The following PAX5 variants were observed in gnomAD, a reference collection of about 807,000 sequenced individuals.
PAX5 encodes paired box protein Pax-5.
Under a neutral mutation model 43.7 loss-of-function variants are expected in PAX5, and 9 were observed. The observed-to-expected ratio is 0.21, with a 90% CI of 0.12 to 0.36. The LOEUF (loss-of-function observed/expected upper bound fraction) is 0.36, where lower values mean the gene tolerates loss of function less well. Ranked by LOEUF, PAX5 falls within the 10% of genes least tolerant of loss-of-function variation. The probability of loss-of-function intolerance (pLI) is 1.00; values close to 1 mark genes in which losing one functional copy is unlikely to be tolerated. For missense variants in PAX5, 383 were observed against 532.7 expected, an observed-to-expected ratio of 0.72 and a Z score of 2.77; for synonymous variants, 228 against 214.3, an observed-to-expected ratio of 1.06 and a Z score of -0.56.
At position 36,836,014 on chromosome 9, in the gene PAX5, G is replaced by A. The variant is rs1045671146; in HGVS notation, c.*4546C>T. 1.7e-5 allele frequency: 4 copies of A among 233,586 alleles called. No individual in the cohort carries two copies. Among genetic ancestry groups the A allele is most frequent in the African/African-American group, 8.8e-5 (4 of 45,358 alleles). 14.5% of individuals were successfully genotyped at this position (233,586 alleles called of 1,614,324 possible). On this transcript the variant is annotated 3_prime_UTR_variant, in exon 10 of 10. Transcript: ENST00000358127. ...TTTTAAGATTTGCTTCCCTGGCTTG[G>A]AGCTCAATTCTGGCTGAATGTCATG...
rs1214485286 is a variant in PAX5, at chr9:36,839,493, T to C, written c.*1067A>G. ...GATCTGGGTGTGGGGGAAAGTCCTC[T>C]GTGTTAATTATTGTCTACATCACCG... is the stretch of plus-strand genomic sequence containing the variant. On this transcript the variant is annotated 3_prime_UTR_variant, in exon 10 of 10. Coordinates refer to ENST00000358127, the MANE Select transcript of PAX5 (RefSeq NM_016734.3). 8.6e-6 allele frequency: 2 copies of C among 233,330 alleles called. No homozygotes were observed. The highest frequency in any genetic ancestry group is 4.4e-5 in the African/African-American group (2 of 45,356). The allele number at this position is 233,330 out of a possible 1,614,324, so 14.5% of individuals were successfully genotyped here.
At chr9:37,030,949 T>C (rs1327679118) in intron 1 of PAX5, among the ~76,000 whole-genome samples, 1 of 152,266 alleles carries the variant, frequency 6.6e-6, no homozygotes, top group Non-Finnish European at 1.5e-5. Context: ...AGCATGGCTG[T>C]CTCAACCCAC....
intron 7 of PAX5, among the ~76,000 whole-genome samples, chr9:36,914,318 A>C (rs2131920980): frequency 6.6e-6 from 1 of 152,306 alleles, no homozygotes; most frequent in East Asian, 1.9e-4. Flanking sequence ...AAATGGAGCA[A>C]AGCTTGTACT....
intron 8 of PAX5, among the ~76,000 whole-genome samples, chr9:36,849,808 C>A (rs1822974911): frequency 6.6e-6 from 1 of 152,220 alleles, no homozygotes; most frequent in African/African-American, 2.4e-5. Context: ...CCTATGAGAG[C>A]AATACGCTCT....
At chr9:36,965,681 A>G (rs985441757) in intron 6 of PAX5, among the ~76,000 whole-genome samples, 5 of 152,218 alleles carry the variant, frequency 3.3e-5, no homozygotes, top group Non-Finnish European at 7.3e-5. Context: ...TCTCACCACT[A>G]GTACCAGCGA....
intron 7 of PAX5, among the ~76,000 whole-genome samples, chr9:36,897,669 T>C (rs1295955262): frequency 1.3e-5 from 2 of 152,214 alleles, no homozygotes; most frequent in African/African-American, 4.8e-5. Flanking sequence ...TGGATCCTGA[T>C]CCAGGTTTCC....
At chr9:36,851,782 G>A (rs1823179805) in intron 8 of PAX5, among the ~76,000 whole-genome samples, 2 of 152,254 alleles carry the variant, frequency 1.3e-5, no homozygotes. Context: ...AGGGCATCCG[G>A]GCTGATCCCC....
At chr9:36,847,885 C>T (rs1168848213) in intron 8 of PAX5, among the ~76,000 whole-genome samples, 1 of 152,204 alleles carries the variant, frequency 6.6e-6, no homozygotes, top group Non-Finnish European at 1.5e-5. Context: ...TTGTAGCTGG[C>T]AGGGCCTGCC....
At chr9:36,841,918 T>C (rs553894807) in intron 9 of PAX5, among the ~76,000 whole-genome samples, 13 of 151,686 alleles carry the variant, frequency 8.6e-5, no homozygotes, top group African/African-American at 2.2e-4. Context: ...TTAGGGAGAG[T>C]CGACCTGTAC....
intron 1 of PAX5, among the ~76,000 whole-genome samples, chr9:37,028,304 C>T (rs1564094600): frequency 6.6e-6 from 1 of 152,170 alleles, no homozygotes; most frequent in African/African-American, 2.4e-5. Context: ...GCTCCTTCCA[C>T]GGAAATATTT....
At chr9:37,016,505 G>C (rs57172187) in intron 2 of PAX5, among the ~76,000 whole-genome samples, 13,690 of 152,066 alleles carry the variant, frequency 0.09, 840 homozygotes, top group East Asian at 0.14. Context: ...AGGATGTCAG[G>C]GTTTTACAGT....
At chr9:37,019,033 T>A (rs1191948435) in intron 2 of PAX5, among the ~76,000 whole-genome samples, 2 of 151,704 alleles carry the variant, frequency 1.3e-5, no homozygotes, top group East Asian at 3.8e-4. Context: ...TCTCTCTCCC[T>A]CTCTCTCGGT....
chr9:36,977,425 T>C (rs548876759), intron 5 of PAX5, among the ~76,000 whole-genome samples: 1 of 152,272 alleles, frequency 6.6e-6, no homozygotes, highest in Admixed American at 6.5e-5. Context: ...CTCCTAGCCC[T>C]ACACTAACTC....
At chr9:36,972,976 C>T (rs147730294) in intron 5 of PAX5, among the ~76,000 whole-genome samples, 1,881 of 150,604 alleles carry the variant, frequency 0.012, 32 homozygotes, top group African/African-American at 0.042. Context: ...TGCAGTGAGC[C>T]GAGATTGTGC....
chr9:36,978,566 AC>A (rs1423410620), intron 5 of PAX5, among the ~76,000 whole-genome samples: 1 of 152,166 alleles, frequency 6.6e-6, no homozygotes, highest in Non-Finnish European at 1.5e-5. Context: ...TCTTTGCATT[AC>A]CCCTATTTGA....
chr9:36,869,295 C>T (rs1825195769), intron 8 of PAX5, among the ~76,000 whole-genome samples: 1 of 152,196 alleles, frequency 6.6e-6, no homozygotes, highest in African/African-American at 2.4e-5. Context: ...ATCTCAGAAC[C>T]TTTGTCTTCA....
At chr9:36,973,116 A>G in intron 5 of PAX5, among the ~76,000 whole-genome samples, 2 of 85,704 alleles carry the variant, frequency 2.3e-5, no homozygotes, top group African/African-American at 1.1e-4. Context: ...AAAGGAAAGG[A>G]AAGGAAAGGA....
intron 7 of PAX5, among the ~76,000 whole-genome samples, chr9:36,909,031 T>C (rs1258749941): frequency 2.6e-5 from 4 of 152,246 alleles, no homozygotes; most frequent in African/African-American, 9.6e-5. Flanking sequence ...CGAAGATGCT[T>C]GAGTTTCATT....
intron 7 of PAX5, among the ~76,000 whole-genome samples, chr9:36,917,227 A>G (rs1017148399): frequency 7.2e-5 from 11 of 152,158 alleles, no homozygotes; most frequent in Non-Finnish European, 1.2e-4. Context: ...GGCCTAACAA[A>G]GAAGCCTTCT....
Sources: allele counts gnomAD v4.1 joint callset (sites outside exome capture counted in the v4.1 genomes callset), GRCh38; gene constraint gnomAD v4.1.1; transcripts MANE v1.5; gene names NCBI Gene and HGNC (gene_info 2026-07-23, HGNC 2026-07-21).